FLVCR2: variants seen among roughly 807,000 people sequenced by gnomAD.
FLVCR2 encodes FLVCR choline and putative heme transporter 2.
In FLVCR2, 38 loss-of-function variants were observed where a neutral mutation model predicts 48.9. The observed-to-expected ratio is 0.78, with a 90% CI of 0.60 to 1.02. The LOEUF (loss-of-function observed/expected upper bound fraction) is 1.02. Among genes scored for constraint, FLVCR2 ranks in the 50% least tolerant of loss-of-function variants. The probability of loss-of-function intolerance (pLI) is 0.00; values close to 1 mark genes in which losing one functional copy is unlikely to be tolerated. For synonymous variants in FLVCR2, 255 were observed against 257.0 expected (o/e 0.99, Z 0.07); for missense variants, 664 against 663.3 (o/e 1.00, Z -0.01).
rs148233438 is a variant in FLVCR2, at chr14:75,595,374, C to T, written c.669+15733C>T. Reference sequence around the variant, plus strand: ...GTGGAAATCAGATCCTAGCAGATAACGAAAGGCTCTAGAAAGTGACTCAGG... The same window carrying T: ...GTGGAAATCAGATCCTAGCAGATAATGAAAGGCTCTAGAAAGTGACTCAGG... On this transcript the variant is annotated intron_variant, in intron 1 of 9. Coordinates refer to ENST00000238667, the MANE Select transcript of FLVCR2 (RefSeq NM_017791.3). 4.6e-4 allele frequency among the ~76,000 whole-genome samples: 70 copies of T among 152,236 alleles called. 1 individual carries two copies. The highest frequency in any genetic ancestry group is 3.4e-3 in the Middle Eastern group (1 of 294).
At chr14:75,623,281 C>T (rs116964664) in intron 2 of FLVCR2, among the ~76,000 whole-genome samples, 1,770 of 152,250 alleles carry the variant, frequency 0.012, 16 homozygotes, top group Middle Eastern at 0.024. Flanking sequence ...CACACCTGGC[C>T]GGCCACTACT....
intron 1 of FLVCR2, among the ~76,000 whole-genome samples, chr14:75,597,183 A>G (rs1889043592): frequency 1.3e-5 from 2 of 151,570 alleles, no homozygotes; most frequent in South Asian, 4.2e-4. Context: ...CAGGAGGCTG[A>G]GGTGGGAGGA....
chr14:75,580,534 G>C (rs112041712), intron 1 of FLVCR2, among the ~76,000 whole-genome samples: 5 of 152,348 alleles, frequency 3.3e-5, no homozygotes, highest in African/African-American at 1.2e-4. Flanking sequence ...CACCAAACAG[G>C]CTTTGTGTGA....
intron 1 of FLVCR2, among the ~76,000 whole-genome samples, chr14:75,592,387 C>T (rs1812543055): frequency 6.6e-6 from 1 of 152,078 alleles, no homozygotes; most frequent in Non-Finnish European, 1.5e-5. Flanking sequence ...TCCTCCTAGG[C>T]CTCTGGGTCT....
chr14:75,638,849 AT>A (rs904471144), intron 5 of FLVCR2, among the ~76,000 whole-genome samples: 5 of 152,114 alleles, frequency 3.3e-5, no homozygotes, highest in African/African-American at 1.2e-4. Context: ...TAATTAAATA[AT>A]TTTTTTGTGT....
intron 8 of FLVCR2, 83 bp from the exon 9 acceptor site, chr14:75,641,760 C>T (rs1890312513): frequency 2.3e-6 from 3 of 1,295,086 alleles, no homozygotes; most frequent in Non-Finnish European, 3.4e-6. Flanking sequence ...ACCTGTGACC[C>T]TTAGGAAATG....
chr14:75,584,390 A>G (rs1888687083), intron 1 of FLVCR2, among the ~76,000 whole-genome samples: 1 of 148,876 alleles, frequency 6.7e-6, no homozygotes, highest in Middle Eastern at 3.2e-3. Context: ...TCAGGAGCTG[A>G]CTGGGTGATA....
chr14:75,635,092 A>G (rs946046560), intron 5 of FLVCR2, 79 bp downstream of exon 5: 1 of 959,962 alleles, frequency 1.0e-6, no homozygotes, highest in Non-Finnish European at 1.7e-6. Context: ...TGTGACTCCA[A>G]GTCATTGTTT....
intron 1 of FLVCR2, among the ~76,000 whole-genome samples, chr14:75,583,568 G>A (rs1888665475): frequency 6.6e-6 from 1 of 152,084 alleles, no homozygotes. Flanking sequence ...GCTTTGAACT[G>A]GGGAAAAGGG....
intron 1 of FLVCR2, among the ~76,000 whole-genome samples, chr14:75,595,374 C>G (rs148233438): frequency 6.6e-6 from 1 of 152,120 alleles, no homozygotes; most frequent in Non-Finnish European, 1.5e-5. Flanking sequence ...TAGCAGATAA[C>G]GAAAGGCTCT....
chr14:75,612,976 G>A (rs1184735619), intron 1 of FLVCR2, among the ~76,000 whole-genome samples: 4 of 152,218 alleles, frequency 2.6e-5, no homozygotes, highest in Non-Finnish European at 5.9e-5. Context: ...GGGGTAGAGA[G>A]CAGTATTTAT....
intron 9 of FLVCR2, among the ~76,000 whole-genome samples, chr14:75,644,556 A>G (rs2140057294): frequency 6.6e-6 from 1 of 152,158 alleles, no homozygotes; most frequent in East Asian, 1.9e-4. Context: ...GTTCCAATAA[A>G]TGGTGCTCAC....
rs1240371879 is a variant in FLVCR2 at position 75,622,201 on chromosome 14, C to G, written c.792C>G (p.Leu264=). The change falls in exon 2 of 10, where the codon CTC becomes CTG. Residue 264 remains leucine (L), a synonymous_variant. Transcript: ENST00000238667. ...FYIIGGVATL[L]LILVIIVFKE... ...TAATAGGAGGTGTGGCCACTCTCCTCCTCATCCTTGTCATCATTGGTAAGG... is the reference window on the plus strand; with the variant it reads ...TAATAGGAGGTGTGGCCACTCTCCTGCTCATCCTTGTCATCATTGGTAAGG... The G allele has an allele frequency of 6.2e-7, 1 of 1,614,048 alleles. No homozygotes were observed.
chr14:75,609,261 A>G (rs1286011933), intron 1 of FLVCR2, among the ~76,000 whole-genome samples: 2 of 152,142 alleles, frequency 1.3e-5, no homozygotes, highest in African/African-American at 2.4e-5. Flanking sequence ...GAGAGATTAC[A>G]CTATAAGCCA....
intron 1 of FLVCR2, among the ~76,000 whole-genome samples, chr14:75,603,969 G>A (rs1385175665): frequency 6.6e-6 from 1 of 152,158 alleles, no homozygotes; most frequent in Non-Finnish European, 1.5e-5. Flanking sequence ...CAGATGGATG[G>A]GCAAATTAAC....
intron 6 of FLVCR2, among the ~76,000 whole-genome samples, chr14:75,640,252 C>G (rs1890276626): frequency 7.9e-6 from 1 of 126,734 alleles, no homozygotes; most frequent in Non-Finnish European, 1.8e-5. Flanking sequence ...GAGTGAGACT[C>G]CGTCTCAAAA....
chr14:75,641,701 G>A, intron 8 of FLVCR2, 142 bp from the exon 9 acceptor site: 2 of 778,312 alleles, frequency 2.6e-6, no homozygotes, highest in Non-Finnish European at 4.5e-6. Flanking sequence ...ATTGGCTGAT[G>A]GTGCCCTCAG....
chr14:75,646,824 T>C lies in FLVCR2; in HGVS notation c.*352T>C, dbSNP rs898551796. ...ATCGTGGACAATGCCTGCAAAATTT[T>C]CACAGGAAGAAAGCCTATTCAGGAT... is the stretch of plus-strand genomic sequence containing the variant. On this transcript the variant is annotated 3_prime_UTR_variant, in exon 10 of 10. Coordinates refer to ENST00000238667, the MANE Select transcript of FLVCR2 (RefSeq NM_017791.3). 4.8e-5 allele frequency: 17 copies of C among 353,708 alleles called. No homozygotes were observed. The Middle Eastern group carries it at 2.9e-3, about 59-fold the overall frequency. The allele number at this position is 353,708 out of a possible 1,614,324, so 21.9% of individuals were successfully genotyped here. A position where few individuals can be genotyped will look rare whatever the true frequency, so the allele number is the denominator to read the frequency against.
chr14:75,611,252 C>T (rs1350218284), intron 1 of FLVCR2, among the ~76,000 whole-genome samples: 6 of 152,130 alleles, frequency 3.9e-5, no homozygotes, highest in Non-Finnish European at 7.3e-5. Context: ...CATTTGGGGA[C>T]ATTTGAACTA....
Sources: allele counts gnomAD v4.1 joint callset (sites outside exome capture counted in the v4.1 genomes callset), GRCh38; gene constraint gnomAD v4.1.1; transcripts MANE v1.5; gene names NCBI Gene and HGNC (gene_info 2026-07-23, HGNC 2026-07-21).